TMEM144: variants seen among roughly 807,000 people sequenced by gnomAD.
TMEM144 encodes the protein transmembrane protein 144.
In TMEM144, 39 loss-of-function variants were observed where a neutral mutation model predicts 43.6. That is an observed-to-expected ratio of 0.90 (90% CI 0.69 to 1.17). TMEM144 has a LOEUF of 1.17. TMEM144 is among the 50% of genes most tolerant of loss of function. The probability of loss-of-function intolerance (pLI) is 0.00; values close to 1 mark genes in which losing one functional copy is unlikely to be tolerated. For missense variants in TMEM144, 417 were observed against 411.9 expected (o/e 1.01, Z -0.11); for synonymous variants, 154 against 133.6 (o/e 1.15, Z -1.06).
chr4:158,215,715 G>A (rs544267693), intron 4 of TMEM144, among the ~76,000 whole-genome samples: 2 of 152,132 alleles, frequency 1.3e-5, no homozygotes, highest in African/African-American at 4.8e-5. Flanking sequence ...TTAGGCCAAT[G>A]TGAAGATACT....
chr4:158,236,007 C>CA lies in TMEM144; in HGVS notation c.563+503dup, dbSNP rs1336739588. Among the ~76,000 whole-genome samples the CA allele has an allele frequency of 3.3e-5, 5 of 152,334 alleles. No homozygotes were observed. The East Asian group carries it at 5.8e-4, about 18-fold the overall frequency. ...TACTCCCTCTATCTCCATAAGAACTCAGGGAGTTGGGCTCAACATCAGCCC... is the reference window on the plus strand; with the variant it reads ...TACTCCCTCTATCTCCATAAGAACTCAAGGGAGTTGGGCTCAACATCAGCCC... On this transcript the variant is annotated intron_variant, in intron 8 of 12. Transcript: ENST00000296529.
At chr4:158,245,403 A>T (rs1190339527) in intron 12 of TMEM144, among the ~76,000 whole-genome samples, 1 of 150,412 alleles carries the variant, frequency 6.6e-6, no homozygotes, top group Non-Finnish European at 1.5e-5. Context: ...CGACAACAAA[A>T]GGTACAGTCT....
At chr4:158,253,375 G>T (rs1037916778) in intron 12 of TMEM144, 69 bp from the exon 13 acceptor site, 28 of 1,349,308 alleles carry the variant, frequency 2.1e-5, no homozygotes, top group Non-Finnish European at 2.9e-5. Context: ...TAGCAATCTT[G>T]AGAGTCTGTC....
intron 7 of TMEM144, 124 bp from the exon 8 acceptor site, chr4:158,235,314 T>A (rs1735284568): frequency 8.5e-6 from 8 of 942,100 alleles, no homozygotes; most frequent in Non-Finnish European, 9.5e-6. Flanking sequence ...AATGCATAGG[T>A]GACATGTTTA....
intron 3 of TMEM144, among the ~76,000 whole-genome samples, chr4:158,214,178 A>G (rs1257680132): frequency 1.3e-5 from 2 of 152,156 alleles, no homozygotes; most frequent in Non-Finnish European, 2.9e-5. Flanking sequence ...CTGGAACTAC[A>G]GGCACACACT....
rs1170585432 is a variant in TMEM144, at chr4:158,235,759, C to A, written c.563+254C>A. 4 of 332,070 alleles carry A rather than the reference C, an allele frequency of 1.2e-5. No individual in the cohort carries two copies. In the East Asian group the frequency reaches 1.9e-4, roughly 16 times the overall value. The allele number at this position is 332,070 out of a possible 1,614,324, so 20.6% of individuals were successfully genotyped here. A position where few individuals can be genotyped will look rare whatever the true frequency, so the allele number is the denominator to read the frequency against. On this transcript the variant is annotated intron_variant, in intron 8 of 12. Transcript: ENST00000296529. ...AATGATAAGTAGATAATAAAAGCAACCTAATTTTGCATGACTTGTGTAGCT... is the reference window on the plus strand; with the variant it reads ...AATGATAAGTAGATAATAAAAGCAAACTAATTTTGCATGACTTGTGTAGCT...
chr4:158,226,766 T>C (rs1402922454), intron 6 of TMEM144, among the ~76,000 whole-genome samples: 1 of 152,182 alleles, frequency 6.6e-6, no homozygotes, highest in African/African-American at 2.4e-5. Context: ...GACAATTCTT[T>C]GACATGCTTT....
chr4:158,217,173 A>G, intron 4 of TMEM144, 148 bp from the exon 5 acceptor site: 1 of 547,518 alleles, frequency 1.8e-6, no homozygotes, highest in South Asian at 3.0e-5. Context: ...AAATGTGGTT[A>G]TTTTACTGAA....
intron 6 of TMEM144, among the ~76,000 whole-genome samples, chr4:158,226,120 G>C (rs1734754615): frequency 6.6e-6 from 1 of 152,156 alleles, no homozygotes; most frequent in African/African-American, 2.4e-5. Flanking sequence ...TTGCATCTTG[G>C]TATCCTGTCT....
intron 12 of TMEM144, 52 bp downstream of exon 12, chr4:158,244,401 G>C: frequency 1.3e-6 from 2 of 1,491,876 alleles, no homozygotes; most frequent in Non-Finnish European, 9.3e-7. Flanking sequence ...TAGGCCGGGC[G>C]TGGTGGCTCA....
At position 158,228,309 on chromosome 4, in the gene TMEM144, C is replaced by T. The variant is rs182704750; in HGVS notation, c.414-4592C>T. On this transcript the variant is annotated intron_variant, in intron 6 of 12. Coordinates refer to ENST00000296529, the MANE Select transcript of TMEM144 (RefSeq NM_018342.5). Reference sequence around the variant, plus strand: ...AGGCATGCCATGGGTGATCAGGCCACGCTTCCACTCAAATGGAGTGGGCAA... The same window carrying T: ...AGGCATGCCATGGGTGATCAGGCCATGCTTCCACTCAAATGGAGTGGGCAA... Among the ~76,000 whole-genome samples the T allele has an allele frequency of 7.0e-4, 107 of 152,144 alleles. 1 individual carries two copies. Among genetic ancestry groups the T allele is most frequent in the Admixed American group, 3.8e-3 (58 of 15,288 alleles).
At position 158,219,291 on chromosome 4, in the gene TMEM144, T is replaced by G; in HGVS notation, c.333-19T>G. 1 of 1,613,042 alleles carries G rather than the reference T, an allele frequency of 6.2e-7. No individual in the cohort carries two copies. Among genetic ancestry groups the G allele is most frequent in the Non-Finnish European group, 8.5e-7 (1 of 1,179,146 alleles). On this transcript the variant is annotated intron_variant, in intron 5 of 12. Transcript: ENST00000296529. ...CATCTTAACAATATTTAATTTGATGTGACTTTCTGGATTTTCAGGTTTGGC... is the reference window on the plus strand; with the variant it reads ...CATCTTAACAATATTTAATTTGATGGGACTTTCTGGATTTTCAGGTTTGGC...
chr4:158,223,906 A>G (rs1009672985), intron 6 of TMEM144, among the ~76,000 whole-genome samples: 3 of 152,196 alleles, frequency 2.0e-5, no homozygotes, highest in Non-Finnish European at 4.4e-5. Context: ...AGAATGATTT[A>G]TATTCCTTTG....
At chr4:158,250,199 TA>T (rs1239745635) in intron 12 of TMEM144, among the ~76,000 whole-genome samples, 849 of 6,666 alleles carry the variant, frequency 0.13, 15 homozygotes, top group African/African-American at 0.39. Flanking sequence ...ACATAACATA[TA>T]TATATATATA....
At chr4:158,233,057 A>G in intron 7 of TMEM144, 75 bp downstream of exon 7, 2 of 1,179,164 alleles carry the variant, frequency 1.7e-6, no homozygotes, top group Non-Finnish European at 2.4e-6. Flanking sequence ...AATTTTAAAC[A>G]CAGATGAAAA....
At chr4:158,244,671 AAAAAG>A (rs1185533828) in intron 12 of TMEM144, among the ~76,000 whole-genome samples, 1 of 152,188 alleles carries the variant, frequency 6.6e-6, no homozygotes, top group Non-Finnish European at 1.5e-5. Context: ...CTCCATCTCA[AAAAAG>A]AAAAGAAAAT....
intron 6 of TMEM144, among the ~76,000 whole-genome samples, chr4:158,227,167 T>G (rs7356158): frequency 0.98 from 148,504 of 151,254 alleles, 72,960 homozygotes; most frequent in East Asian, 1. Flanking sequence ...CATACCTTAA[T>G]ATTTTTGAGT....
chr4:158,232,985 G>A lies in TMEM144; in HGVS notation c.495+3G>A. On this transcript the variant is annotated splice_donor_region_variant and intron_variant, in intron 7 of 12. Transcript: ENST00000296529. The stretch of plus-strand genomic sequence containing the variant: ...CCACTCCATTAATAACAGAGCATGT[G>A]AGTATAGTATGAGAGACAACTTGAT... The A allele has an allele frequency of 6.3e-7, 1 of 1,596,270 alleles. No homozygotes were observed. Among genetic ancestry groups the A allele is most frequent in the Non-Finnish European group, 8.6e-7 (1 of 1,168,422 alleles).
chr4:158,231,002 T>C (rs533985475), intron 6 of TMEM144, among the ~76,000 whole-genome samples: 1 of 152,346 alleles, frequency 6.6e-6, no homozygotes, highest in African/African-American at 2.4e-5. Context: ...TATGATCTAA[T>C]GGTAATAGAC....
Sources: gnomAD v4.1 joint callset for allele counts (sites outside exome capture counted in the v4.1 genomes callset) on GRCh38, gnomAD v4.1.1 for gene constraint, MANE v1.5 for transcripts, NCBI Gene and HGNC (gene_info 2026-07-23, HGNC 2026-07-21) for gene names.